Variants in ACSBG1 observed in about 807,000 individuals in gnomAD.
ACSBG1 encodes the protein acyl-CoA synthetase bubblegum family member 1, also known as long-chain-fatty-acid--CoA ligase ACSBG1.
In ACSBG1, 39 loss-of-function variants were observed where a neutral mutation model predicts 80.2. That is an observed-to-expected ratio of 0.49 (90% confidence interval 0.38 to 0.64). The LOEUF (loss-of-function observed/expected upper bound fraction) is 0.64, where lower values mean the gene tolerates loss of function less well. Ranked by LOEUF, ACSBG1 falls within the 30% of genes least tolerant of loss-of-function variation. ACSBG1 has a pLI of 0.00. For synonymous variants in ACSBG1, 392 were observed against 379.5 expected (o/e 1.03, Z -0.38); for missense variants, 828 against 966.4 (o/e 0.86, Z 1.90).
At chr15:78,188,434 G>C (rs542887159) in intron 5 of ACSBG1, among the ~76,000 whole-genome samples, 1 of 151,598 alleles carries the variant, frequency 6.6e-6, no homozygotes, top group African/African-American at 2.4e-5. Flanking sequence ...ACACTACAAG[G>C]CTACAGTAAC....
chr15:78,180,657 G>A, intron 9 of ACSBG1, 98 bp downstream of exon 9: 1 of 1,474,602 alleles, frequency 6.8e-7, no homozygotes, highest in Non-Finnish European at 9.1e-7. Context: ...CCGGCCACTG[G>A]AACCGGGACA....
chr15:78,194,891 C>T (rs892902584), intron 2 of ACSBG1, among the ~76,000 whole-genome samples, 165 bp from the exon 3 acceptor site: 2 of 152,164 alleles, frequency 1.3e-5, no homozygotes, highest in Non-Finnish European at 2.9e-5. Flanking sequence ...GGCTGGGAGA[C>T]CGCCTAGAGG....
At chr15:78,219,365 C>T (rs973925205) in intron 1 of ACSBG1, among the ~76,000 whole-genome samples, 6 of 148,322 alleles carry the variant, frequency 4.0e-5, no homozygotes, top group Admixed American at 1.3e-4. Context: ...CGAGATTGTG[C>T]CACTGCATTC....
Position 78,234,455 on chromosome 15 carries a change from G to C in ACSBG1, c.47C>G (p.Pro16Arg), listed in dbSNP as rs200689704. 395 of 1,612,716 alleles carry C rather than the reference G, an allele frequency of 2.4e-4. No individual in the cohort carries two copies. The highest frequency in any genetic ancestry group is 6.6e-5 in the South Asian group (6 of 91,080). The change falls in exon 1 of 14, where the codon CCC (proline) becomes CGC (arginine). Residue 16 changes from proline to arginine, a missense_variant. Pro to Arg is a moderately radical substitution (Grantham distance 103). Coordinates refer to ENST00000258873, the MANE Select transcript of ACSBG1 (RefSeq NM_015162.5). ...GAGYGCPHGDPSMLDSRETPQ... is the reference protein window; with the variant it reads ...GAGYGCPHGDRSMLDSRETPQ... ...GGTCTCTCTGCTGTCCAGCATGCTG[G>C]GGTCCCCGTGTGGGCAGCCGTATCC... is the stretch of plus-strand genomic sequence containing the variant.
chr15:78,189,900 C>T (rs559220146), intron 5 of ACSBG1, among the ~76,000 whole-genome samples: 2 of 151,706 alleles, frequency 1.3e-5, no homozygotes, highest in Admixed American at 6.6e-5. Flanking sequence ...ACATTTCATA[C>T]ATAAATGTGG....
chr15:78,225,401 C>CAATAAATAAATAAATAAATA (rs148506728), intron 1 of ACSBG1, among the ~76,000 whole-genome samples: 12 of 143,184 alleles, frequency 8.4e-5, no homozygotes, highest in African/African-American at 2.6e-4. Flanking sequence ...AACTCTGTCT[C>CAATAAATAAATAAATAAATA]AATAAATAAA....
At chr15:78,213,623 T>C (rs2075285068) in intron 1 of ACSBG1, 1 of 152,254 alleles carries the variant, frequency 6.6e-6, no homozygotes, top group Non-Finnish European at 1.5e-5. Flanking sequence ...TAGCCCCAGA[T>C]ACCTCTGACC....
intron 5 of ACSBG1, among the ~76,000 whole-genome samples, chr15:78,186,937 AAAG>A (rs1478621831): frequency 2.6e-5 from 4 of 152,302 alleles, no homozygotes; most frequent in African/African-American, 9.6e-5. Context: ...CAAGACTAAT[AAAG>A]AAGAAAAGAG....
chr15:78,232,925 C>T (rs751734425), intron 1 of ACSBG1, among the ~76,000 whole-genome samples: 1 of 152,170 alleles, frequency 6.6e-6, no homozygotes. Context: ...GGGTGATCCA[C>T]CCGACTCAGC....
chr15:78,171,610 G>A, intron 13 of ACSBG1, 81 bp from the exon 14 acceptor site: 1 of 1,163,746 alleles, frequency 8.6e-7, no homozygotes, highest in Non-Finnish European at 1.3e-6. Flanking sequence ...CTCACACTCA[G>A]TCCTATATAT....
chr15:78,179,410 G>T, intron 10 of ACSBG1, 140 bp downstream of exon 10: 1 of 734,160 alleles, frequency 1.4e-6, no homozygotes, highest in South Asian at 1.9e-5. Flanking sequence ...GCTCTCAGGG[G>T]CTCCATAGCC....
intron 1 of ACSBG1, among the ~76,000 whole-genome samples, chr15:78,224,481 A>T (rs1247634739): frequency 6.6e-6 from 1 of 152,200 alleles, no homozygotes; most frequent in Non-Finnish European, 1.5e-5. Flanking sequence ...GCACTTTGGG[A>T]GGCCAAGGCA....
At chr15:78,201,648 T>C (rs2075169169) in intron 2 of ACSBG1, among the ~76,000 whole-genome samples, 1 of 152,220 alleles carries the variant, frequency 6.6e-6, no homozygotes, top group African/African-American at 2.4e-5. Context: ...CTCCCCCTTC[T>C]TCTCATGTCC....
At position 78,226,288 on chromosome 15, in the gene ACSBG1, ATCCAGCCCACGT is replaced by A. The variant is rs1394062810; in HGVS notation, c.131+8071_131+8082del. Among the ~76,000 whole-genome samples the A allele has an allele frequency of 8.5e-5, 13 of 152,330 alleles. No individual in the cohort carries two copies. The East Asian group carries it at 2.5e-3, about 29-fold the overall frequency. On this transcript the variant is annotated intron_variant, in intron 1 of 13. Coordinates refer to ENST00000258873, the MANE Select transcript of ACSBG1 (RefSeq NM_015162.5). ...TTCTATGTTAGAAATGAATCACTAG[ATCCAGCCCACGT>A]TCTAGGGTAGATGATTACACAAGAA...
In ACSBG1 at chr15:78,212,754, C is replaced by T. The variant is rs184438311; in HGVS notation, c.132-4652G>A. 2,087 of 336,072 alleles carry T rather than the reference C, an allele frequency of 6.2e-3. 14 individuals are homozygous for T. Among genetic ancestry groups the T allele is most frequent in the Non-Finnish European group, 8.6e-3 (1,423 of 164,652 alleles). The allele number at this position is 336,072 out of a possible 1,614,324, so 20.8% of individuals were successfully genotyped here. A position where few individuals can be genotyped will look rare whatever the true frequency, so the allele number is the denominator to read the frequency against. On this transcript the variant is annotated intron_variant, in intron 1 of 13. Coordinates refer to ENST00000258873, the MANE Select transcript of ACSBG1 (RefSeq NM_015162.5). ...GCAACAGAGATACAGCGTGAGTCAC[C>T]GCTGGCAGCCTGGCTGGGCGAGGGG...
intron 5 of ACSBG1, among the ~76,000 whole-genome samples, chr15:78,189,219 G>T (rs891541500): frequency 3.3e-5 from 5 of 150,212 alleles, no homozygotes; most frequent in Non-Finnish European, 5.9e-5. Context: ...TTACACTGTT[G>T]GTGGGACTGT....
intron 10 of ACSBG1, 43 bp downstream of exon 10, chr15:78,179,507 A>G (rs777727092): frequency 1.3e-6 from 2 of 1,563,246 alleles, no homozygotes; most frequent in East Asian, 2.3e-5. Context: ...AGTACCAGCA[A>G]GGGCGCATGG....
At chr15:78,181,800 CCTT>C (rs1342825514) in intron 8 of ACSBG1, among the ~76,000 whole-genome samples, 166 bp downstream of exon 8, 2 of 152,118 alleles carry the variant, frequency 1.3e-5, no homozygotes, top group Admixed American at 1.3e-4. Flanking sequence ...GCCTAGTTTC[CCTT>C]CTTGTTTGGT....
At chr15:78,199,677 A>G (rs1428958727) in intron 2 of ACSBG1, among the ~76,000 whole-genome samples, 1 of 136,918 alleles carries the variant, frequency 7.3e-6, no homozygotes, top group Non-Finnish European at 1.6e-5. Context: ...TTTTTTTTCT[A>G]GTAGAGACAA....
Sources: gnomAD v4.1 joint callset for allele counts (sites outside exome capture counted in the v4.1 genomes callset) on GRCh38, gnomAD v4.1.1 for gene constraint, MANE v1.5 for transcripts, NCBI Gene and HGNC (gene_info 2026-07-23, HGNC 2026-07-21) for gene names.